The following COL25A1 variants were observed in gnomAD, a reference collection of about 807,000 sequenced individuals.
COL25A1 encodes collagen alpha-1(XXV) chain.
A neutral mutation model predicts 128.4 loss-of-function variants in COL25A1; 103 were observed. The observed-to-expected ratio is 0.80, with a 90% CI of 0.68 to 0.94. The LOEUF (loss-of-function observed/expected upper bound fraction) is 0.94, where lower values mean the gene tolerates loss of function less well. COL25A1 is among the 40% of genes least tolerant of loss of function. The pLI, the probability that COL25A1 is intolerant of heterozygous loss-of-function variation, is 0.00. For missense variants in COL25A1, 745 were observed against 840.0 expected, an observed-to-expected ratio of 0.89 and a Z score of 1.40; for synonymous variants, 279 against 277.2, an observed-to-expected ratio of 1.01 and a Z score of -0.06.
At chr4:109,097,740 T>C (rs1473476045) in intron 3 of COL25A1, among the ~76,000 whole-genome samples, 1 of 149,046 alleles carries the variant, frequency 6.7e-6, no homozygotes, top group African/African-American at 2.5e-5. Flanking sequence ...CTTGGCTCAC[T>C]GCAACCTCCG....
chr4:109,054,305 GTGAA>G (rs1761261744), intron 3 of COL25A1, among the ~76,000 whole-genome samples: 1 of 152,194 alleles, frequency 6.6e-6, no homozygotes, highest in Admixed American at 6.5e-5. Flanking sequence ...TCACTACTGT[GTGAA>G]TTGAGCTGAC....
chr4:109,244,306 T>C (rs534273681), intron 3 of COL25A1, among the ~76,000 whole-genome samples: 321 of 152,150 alleles, frequency 2.1e-3, no homozygotes, highest in African/African-American at 7.5e-3. Context: ...TTAGTATCCA[T>C]TGACATACTA....
At chr4:109,193,946 A>C (rs562106748) in intron 3 of COL25A1, among the ~76,000 whole-genome samples, 10 of 152,338 alleles carry the variant, frequency 6.6e-5, no homozygotes, top group African/African-American at 2.4e-4. Context: ...GAAAAGGGAG[A>C]GAAGAAAGAG....
At chr4:108,932,119 T>G (rs1002797675) in intron 11 of COL25A1, among the ~76,000 whole-genome samples, 4 of 152,178 alleles carry the variant, frequency 2.6e-5, no homozygotes, top group African/African-American at 9.6e-5. Context: ...TGCTGTTGTC[T>G]TCAGTGTCTG....
chr4:109,108,307 T>C (rs529936514), intron 3 of COL25A1, among the ~76,000 whole-genome samples: 5 of 152,116 alleles, frequency 3.3e-5, no homozygotes, highest in Admixed American at 6.5e-5. Context: ...TGTGATAGTT[T>C]GCTGAGAATG....
chr4:108,900,118 C>A (rs1742666758), intron 14 of COL25A1, among the ~76,000 whole-genome samples: 1 of 152,158 alleles, frequency 6.6e-6, no homozygotes. Flanking sequence ...GGAACTCAAC[C>A]TGACCCTTTG....
chr4:108,916,776 G>A (rs1358694241), intron 13 of COL25A1, among the ~76,000 whole-genome samples: 2 of 152,128 alleles, frequency 1.3e-5, no homozygotes, highest in South Asian at 2.1e-4. Context: ...GCCAGGATTT[G>A]TGAAGCAAAT....
intron 3 of COL25A1, among the ~76,000 whole-genome samples, chr4:109,197,414 T>TTA (rs1162878309): frequency 8.0e-6 from 1 of 125,092 alleles, no homozygotes; most frequent in African/African-American, 3.0e-5. Flanking sequence ...AAAATATATA[T>TTA]TATATATTAT....
chr4:109,220,131 T>C (rs1778309799), intron 3 of COL25A1, among the ~76,000 whole-genome samples: 2 of 152,268 alleles, frequency 1.3e-5, no homozygotes, highest in South Asian at 4.1e-4. Context: ...GTATATTCTA[T>C]AAGGGAAAAA....
intron 6 of COL25A1, among the ~76,000 whole-genome samples, chr4:108,982,475 T>C (rs1210797389): frequency 1.3e-5 from 2 of 152,118 alleles, no homozygotes; most frequent in Admixed American, 6.5e-5. Flanking sequence ...AACCAGTTCT[T>C]GCTGAATTGA....
At chr4:109,216,610 C>T (rs1778017840) in intron 3 of COL25A1, among the ~76,000 whole-genome samples, 1 of 152,090 alleles carries the variant, frequency 6.6e-6, no homozygotes, top group Non-Finnish European at 1.5e-5. Flanking sequence ...GAGATTGGAG[C>T]TCTTCTGCCA....
At chr4:109,234,206 G>A (rs1289357176) in intron 3 of COL25A1, among the ~76,000 whole-genome samples, 2 of 152,014 alleles carry the variant, frequency 1.3e-5, no homozygotes, top group African/African-American at 4.8e-5. Context: ...ATAAATAAAG[G>A]CCAAGCGTTA....
At chr4:109,085,442 C>T (rs1056672066) in intron 3 of COL25A1, among the ~76,000 whole-genome samples, 6 of 152,104 alleles carry the variant, frequency 3.9e-5, no homozygotes, top group Non-Finnish European at 8.8e-5. Context: ...CTTCTGATTC[C>T]ACTTACTCCG....
chr4:108,844,482 A>C (rs758833865), intron 30 of COL25A1, 37 bp downstream of exon 30: 2 of 1,614,080 alleles, frequency 1.2e-6, no homozygotes, highest in South Asian at 1.1e-5. Flanking sequence ...CATGCTCATA[A>C]ATAAGCAATT....
intron 3 of COL25A1, among the ~76,000 whole-genome samples, chr4:109,072,204 T>C (rs957182399): frequency 5.3e-5 from 8 of 152,220 alleles, no homozygotes; most frequent in African/African-American, 1.7e-4. Flanking sequence ...ATGACTATTA[T>C]GTATTGAAAT....
At chr4:109,270,884 C>T (rs1185952101) in intron 3 of COL25A1, among the ~76,000 whole-genome samples, 1 of 152,196 alleles carries the variant, frequency 6.6e-6, no homozygotes, top group Non-Finnish European at 1.5e-5. Context: ...CTATAACTCA[C>T]TTATTGAATC....
intron 3 of COL25A1, among the ~76,000 whole-genome samples, chr4:109,187,136 G>A (rs771497600): frequency 2.0e-5 from 3 of 151,700 alleles, no homozygotes; most frequent in Non-Finnish European, 2.9e-5. Context: ...ATTGTCATGC[G>A]ATTATACCTT....
chr4:109,173,188 T>C (rs773400472), intron 3 of COL25A1, among the ~76,000 whole-genome samples: 38 of 152,134 alleles, frequency 2.5e-4, no homozygotes, highest in Non-Finnish European at 5.0e-4. Flanking sequence ...TGGGCTCACG[T>C]GATCCTCCCC....
chr4:109,157,269 G>A (rs565362838), intron 3 of COL25A1, among the ~76,000 whole-genome samples: 5 of 152,062 alleles, frequency 3.3e-5, no homozygotes, highest in Admixed American at 1.3e-4. Context: ...TTAAAATCTC[G>A]TATCTTCAAG....
Sources: gnomAD v4.1 joint callset for allele counts (sites outside exome capture counted in the v4.1 genomes callset) on GRCh38, gnomAD v4.1.1 for gene constraint, MANE v1.5 for transcripts, NCBI Gene and HGNC (gene_info 2026-07-23, HGNC 2026-07-21) for gene names.